ARID4B: variants seen among roughly 807,000 people sequenced by gnomAD.
ARID4B encodes AT-rich interactive domain-containing protein 4B.
A neutral mutation model predicts 147.5 loss-of-function variants in ARID4B; 26 were observed. That is an observed-to-expected ratio of 0.18 (90% CI 0.13 to 0.24). The LOEUF (loss-of-function observed/expected upper bound fraction) is 0.24, where lower values mean the gene tolerates loss of function less well. Ranked by LOEUF, ARID4B falls within the 10% of genes least tolerant of loss-of-function variation. ARID4B has a pLI of 1.00. For missense variants in ARID4B, 1,179 were observed against 1,511.5 expected, an observed-to-expected ratio of 0.78 and a Z score of 3.65; for synonymous variants, 512 against 507.9, an observed-to-expected ratio of 1.01 and a Z score of -0.11.
intron 2 of ARID4B, among the ~76,000 whole-genome samples, chr1:235,300,958 G>A (rs1399183375): frequency 6.6e-6 from 1 of 150,966 alleles, no homozygotes; most frequent in African/African-American, 2.4e-5. Context: ...CTCATGATCT[G>A]CCTGCCTCGG....
chr1:235,257,077 A>C, intron 4 of ARID4B, 83 bp downstream of exon 4: 1 of 943,826 alleles, frequency 1.1e-6, no homozygotes, highest in East Asian at 2.4e-5. Flanking sequence ...CAACTCAATA[A>C]CAAAAGAGCC....
At chr1:235,185,573 T>C (rs1033561596) in intron 19 of ARID4B, among the ~76,000 whole-genome samples, 1 of 152,190 alleles carries the variant, frequency 6.6e-6, no homozygotes, top group African/African-American at 2.4e-5. Flanking sequence ...TCTCACATCT[T>C]CTTCTTCCTT....
intron 12 of ARID4B, 136 bp from the exon 13 acceptor site, chr1:235,223,396 T>TATACAC (rs1667622694): frequency 5.2e-6 from 1 of 192,966 alleles, no homozygotes; most frequent in African/African-American, 2.9e-5. Flanking sequence ...CGTATATATA[T>TATACAC]GTGTGTGTAT....
chr1:235,256,127 T>C (rs1197405448), intron 4 of ARID4B, among the ~76,000 whole-genome samples: 1 of 133,468 alleles, frequency 7.5e-6, no homozygotes, highest in African/African-American at 2.9e-5. Context: ...TGAGCCGAGA[T>C]CGCGCCACTG....
chr1:235,203,687 A>G (rs1398366308), intron 17 of ARID4B, among the ~76,000 whole-genome samples: 1 of 152,150 alleles, frequency 6.6e-6, no homozygotes, highest in Non-Finnish European at 1.5e-5. Flanking sequence ...CATATAATTA[A>G]CTTACTTAGT....
intron 9 of ARID4B, among the ~76,000 whole-genome samples, chr1:235,233,703 T>C (rs1041525660): frequency 3.3e-5 from 5 of 151,864 alleles, no homozygotes; most frequent in African/African-American, 1.2e-4. Context: ...CAGGTATCAC[T>C]ATAACCATTA....
intron 2 of ARID4B, among the ~76,000 whole-genome samples, chr1:235,286,044 GGTTTT>G (rs71172286): frequency 7.2e-6 from 1 of 138,542 alleles, no homozygotes; most frequent in Non-Finnish European, 1.5e-5. Flanking sequence ...CTGGCTTTTG[GGTTTT>G]GTTTTGTTTT....
chr1:235,273,245 T>C (rs1416474335), intron 2 of ARID4B, among the ~76,000 whole-genome samples: 3 of 152,212 alleles, frequency 2.0e-5, no homozygotes, highest in Admixed American at 1.3e-4. Context: ...GTTTTCACCA[T>C]GTTGGCCAGG....
intron 3 of ARID4B, among the ~76,000 whole-genome samples, chr1:235,259,012 C>CA (rs1487005449): frequency 1.3e-5 from 2 of 152,180 alleles, no homozygotes; most frequent in Admixed American, 6.5e-5. Context: ...TATCTACTGA[C>CA]AAAATCACTG....
chr1:235,220,378 T>C lies in ARID4B; in HGVS notation c.1331A>G (p.Glu444Gly), dbSNP rs753988159. 1.2e-6 allele frequency: 2 copies of C among 1,610,510 alleles called. No individual in the cohort carries two copies. The highest frequency in any genetic ancestry group is 1.7e-6 in the Non-Finnish European group (2 of 1,177,012). ...TTCTTCTCTTGGTATTATATTCCTC[T>C]CCTCCTCCATCTTTATTTCTTTGAT... ...TEIKEIKMEE[E>G]RNIIPREEKP... Residue 444 changes from glutamate (E) to glycine (G), a missense_variant, in exon 15 of 24, where the codon GAG becomes GGG. By Grantham distance (98) the Glu-to-Gly change is moderately conservative. Coordinates refer to ENST00000264183, the MANE Select transcript of ARID4B (RefSeq NM_016374.6).
intron 17 of ARID4B, among the ~76,000 whole-genome samples, chr1:235,207,317 G>GTCCTTAA: frequency 6.6e-6 from 1 of 152,286 alleles, no homozygotes; most frequent in East Asian, 1.9e-4. Flanking sequence ...CCCACTTGAG[G>GTCCTTAA]TTCACAGTAA....
intron 2 of ARID4B, among the ~76,000 whole-genome samples, chr1:235,261,589 C>T (rs565974014): frequency 1.3e-5 from 2 of 152,236 alleles, no homozygotes; most frequent in South Asian, 4.2e-4. Flanking sequence ...ATTTAAACTA[C>T]TAGTGAAAAC....
At chr1:235,319,756 C>T (rs1352365672) in intron 2 of ARID4B, among the ~76,000 whole-genome samples, 1 of 151,998 alleles carries the variant, frequency 6.6e-6, no homozygotes, top group African/African-American at 2.4e-5. Context: ...CTTTGGGAGG[C>T]CAAGGCGGGC....
intron 2 of ARID4B, among the ~76,000 whole-genome samples, chr1:235,289,541 T>C (rs1440793880): frequency 5.3e-5 from 8 of 151,810 alleles, no homozygotes; most frequent in Admixed American, 5.3e-4. Flanking sequence ...CTGGACAACA[T>C]AGTGAGGCCT....
chr1:235,193,071 G>GTGACAGA (rs906394113), intron 19 of ARID4B, among the ~76,000 whole-genome samples: 3 of 148,622 alleles, frequency 2.0e-5, no homozygotes, highest in African/African-American at 5.1e-5. Context: ...TCCAGCCTGG[G>GTGACAGA]TGACAGAGCG....
At chr1:235,278,660 TTTC>T (rs1671487986) in intron 2 of ARID4B, among the ~76,000 whole-genome samples, 1 of 152,168 alleles carries the variant, frequency 6.6e-6, no homozygotes, top group South Asian at 2.1e-4. Flanking sequence ...CTAGTAAGTA[TTTC>T]TTATGTTGAT....
At chr1:235,205,742 T>C (rs774435449) in intron 17 of ARID4B, among the ~76,000 whole-genome samples, 2 of 152,096 alleles carry the variant, frequency 1.3e-5, no homozygotes, top group South Asian at 4.1e-4. Context: ...AAAGAAGATA[T>C]ACAAATGGCT....
intron 21 of ARID4B, 43 bp from the exon 22 acceptor site, chr1:235,175,442 T>G: frequency 6.7e-7 from 1 of 1,490,146 alleles, no homozygotes; most frequent in Non-Finnish European, 9.3e-7. Context: ...AATGTAACAA[T>G]AAATTTGTCA....
chr1:235,249,560 C>T (rs1669509536), intron 6 of ARID4B, among the ~76,000 whole-genome samples: 1 of 151,894 alleles, frequency 6.6e-6, no homozygotes, highest in African/African-American at 2.4e-5. Flanking sequence ...CTTTGGGAGG[C>T]CAAGGCAGGC....
Sources: gnomAD v4.1 joint callset for allele counts (sites outside exome capture counted in the v4.1 genomes callset) on GRCh38, gnomAD v4.1.1 for gene constraint, MANE v1.5 for transcripts, NCBI Gene and HGNC (gene_info 2026-07-23, HGNC 2026-07-21) for gene names.